The following CDC73 variants were observed in gnomAD, a reference collection of about 807,000 sequenced individuals.
CDC73 encodes parafibromin.
CDC73 carries 21 observed loss-of-function variants against 83.7 expected under a neutral mutation model. The ratio of observed to expected loss-of-function variants is 0.25; its 90% CI spans 0.18 to 0.36. The LOEUF is 0.36. Ranked by LOEUF, CDC73 falls within the 10% of genes least tolerant of loss-of-function variation. The pLI, the probability that CDC73 is intolerant of heterozygous loss-of-function variation, is 1.00. For synonymous variants in CDC73, 224 were observed against 212.9 expected (o/e 1.05, Z -0.45); for missense variants, 342 against 653.3 (o/e 0.52, Z 5.19).
At chr1:193,125,090 A>T (rs1247918411) in intron 1 of CDC73, 22 bp from the exon 2 acceptor site, 2 of 1,238,398 alleles carry the variant, frequency 1.6e-6, no homozygotes, top group East Asian at 4.6e-5. Flanking sequence ...CAGTAAAAAA[A>T]ATCTTGCCTT....
At chr1:193,136,956 A>T (rs1223973352) in intron 5 of CDC73, among the ~76,000 whole-genome samples, 2 of 152,256 alleles carry the variant, frequency 1.3e-5, no homozygotes, top group African/African-American at 4.8e-5. Context: ...CCAGTAACTT[A>T]AAAAATCAGC....
At chr1:193,218,485 T>C (rs1677408261) in intron 13 of CDC73, among the ~76,000 whole-genome samples, 1 of 152,166 alleles carries the variant, frequency 6.6e-6, no homozygotes, top group African/African-American at 2.4e-5. Flanking sequence ...AGACCAAAGT[T>C]GGAGGCATCA....
intron 2 of CDC73, among the ~76,000 whole-genome samples, chr1:193,128,347 G>T (rs1358996927): frequency 2.6e-5 from 4 of 151,802 alleles, no homozygotes; most frequent in East Asian, 1.9e-4. Flanking sequence ...AGGCTGGAGT[G>T]CAGTGGCAGG....
intron 13 of CDC73, among the ~76,000 whole-genome samples, chr1:193,221,540 T>C (rs1677469769): frequency 6.6e-6 from 1 of 152,202 alleles, no homozygotes; most frequent in Non-Finnish European, 1.5e-5. Context: ...TTACAGTAAG[T>C]TTGTGGAATG....
chr1:193,193,528 T>C (rs1676952159), intron 10 of CDC73, among the ~76,000 whole-genome samples: 2 of 152,192 alleles, frequency 1.3e-5, no homozygotes, highest in African/African-American at 4.8e-5. Flanking sequence ...TTTTCACCCA[T>C]TTTAAATAAG....
chr1:193,246,013 A>G (rs542785296), intron 15 of CDC73, among the ~76,000 whole-genome samples: 72 of 152,244 alleles, frequency 4.7e-4, no homozygotes, highest in African/African-American at 1.6e-3. Flanking sequence ...AGTTTCTAGT[A>G]TATTCTGATT....
At chr1:193,206,271 C>G (rs1223398946) in intron 11 of CDC73, among the ~76,000 whole-genome samples, 1 of 152,122 alleles carries the variant, frequency 6.6e-6, no homozygotes, top group Non-Finnish European at 1.5e-5. Context: ...GGGGATTAAA[C>G]CAATGGAAAT....
chr1:193,209,229 C>A (rs1028696299), intron 11 of CDC73, among the ~76,000 whole-genome samples: 14 of 152,128 alleles, frequency 9.2e-5, no homozygotes, highest in African/African-American at 3.1e-4. Flanking sequence ...ATGGTTTATT[C>A]TCAGCTTGTA....
At chr1:193,197,467 A>G (rs61821973) in intron 10 of CDC73, among the ~76,000 whole-genome samples, 25 of 152,244 alleles carry the variant, frequency 1.6e-4, no homozygotes, top group Non-Finnish European at 2.9e-4. Context: ...GCATATTGCA[A>G]GTAACTAAAT....
At chr1:193,171,446 G>A (rs1318919786) in intron 10 of CDC73, among the ~76,000 whole-genome samples, 2 of 152,098 alleles carry the variant, frequency 1.3e-5, no homozygotes, top group East Asian at 1.9e-4. Flanking sequence ...AAGTTCCTTC[G>A]GGTTGTTGAT....
chr1:193,196,476 T>C (rs1677004707), intron 10 of CDC73, among the ~76,000 whole-genome samples: 2 of 152,228 alleles, frequency 1.3e-5, no homozygotes, highest in Non-Finnish European at 2.9e-5. Context: ...TGAGATTCCA[T>C]GTGACTTTTA....
chr1:193,122,425 G>A lies in CDC73; in HGVS notation c.131+94G>A, dbSNP rs548951347. ...TTAACCCCTCCCCCCGTTTCCCCTG[G>A]GGATGGGATAAAACGGGTGTTCGGG... is the stretch of plus-strand genomic sequence containing the variant. On this transcript the variant is annotated intron_variant, in intron 1 of 16. Coordinates refer to ENST00000367435, the MANE Select transcript of CDC73 (RefSeq NM_024529.5). 3.7e-4 allele frequency: 565 copies of A among 1,519,876 alleles called. 1 individual carries two copies. The African/African-American group carries it at 6.8e-3, about 18-fold the overall frequency. 94.1% of individuals were successfully genotyped at this position (1,519,876 alleles called of 1,614,324 possible).
intron 3 of CDC73, among the ~76,000 whole-genome samples, chr1:193,133,553 CTT>C (rs982481435): frequency 2.0e-5 from 3 of 152,110 alleles, no homozygotes; most frequent in East Asian, 1.9e-4. Flanking sequence ...AATAAAAAAA[CTT>C]TATCTGTTAG....
intron 10 of CDC73, among the ~76,000 whole-genome samples, chr1:193,187,587 C>T (rs753830889): frequency 6.6e-6 from 1 of 152,110 alleles, no homozygotes; most frequent in Non-Finnish European, 1.5e-5. Flanking sequence ...CTCTGTGACT[C>T]TAGGGACAGT....
intron 7 of CDC73, among the ~76,000 whole-genome samples, chr1:193,144,015 G>A (rs1675951130): frequency 7.0e-6 from 1 of 143,752 alleles, no homozygotes; most frequent in Non-Finnish European, 1.5e-5. Context: ...GAGGCTGAGT[G>A]AGGAGAATTG....
At chr1:193,153,017 C>T (rs983080518) in intron 10 of CDC73, among the ~76,000 whole-genome samples, 1 of 152,080 alleles carries the variant, frequency 6.6e-6, no homozygotes, top group Non-Finnish European at 1.5e-5. Flanking sequence ...GATCGCCCGC[C>T]TCAGCCTCCT....
At chr1:193,242,326 G>A (rs1350649654) in intron 15 of CDC73, among the ~76,000 whole-genome samples, 1 of 152,184 alleles carries the variant, frequency 6.6e-6, no homozygotes, top group South Asian at 2.1e-4. Flanking sequence ...GGACCCCTGA[G>A]GGTCATGTGG....
At chr1:193,142,940 T>C (rs1675931651) in intron 7 of CDC73, among the ~76,000 whole-genome samples, 1 of 152,204 alleles carries the variant, frequency 6.6e-6, no homozygotes, top group Non-Finnish European at 1.5e-5. Context: ...CAATTTTCTC[T>C]TAAATGTTTT....
chr1:193,180,606 A>G (rs909581813), intron 10 of CDC73: 1 of 1,614,170 alleles, frequency 6.2e-7, no homozygotes. Flanking sequence ...GATCTCCAGA[A>G]AAAACATAAC....
Sources: gnomAD v4.1 joint callset for allele counts (sites outside exome capture counted in the v4.1 genomes callset) on GRCh38, gnomAD v4.1.1 for gene constraint, MANE v1.5 for transcripts, NCBI Gene and HGNC (gene_info 2026-07-23, HGNC 2026-07-21) for gene names.